The following OTUD7A variants were observed in gnomAD, a reference collection of about 807,000 sequenced individuals.
OTUD7A encodes OTU deubiquitinase 7A, also known as OTU domain-containing protein 7A.
OTUD7A carries 12 observed loss-of-function variants against 65.7 expected under a neutral mutation model. The observed-to-expected ratio is 0.18, with a 90% CI of 0.12 to 0.30. The LOEUF (loss-of-function observed/expected upper bound fraction) is 0.30, where lower values mean the gene tolerates loss of function less well. Among genes scored for constraint, OTUD7A ranks in the 10% least tolerant of loss-of-function variants. The pLI is 1.00. For missense variants in OTUD7A, 1,148 were observed against 1,304.8 expected, an observed-to-expected ratio of 0.88 and a Z score of 1.85; for synonymous variants, 641 against 586.3, an observed-to-expected ratio of 1.09 and a Z score of -1.35.
intron 1 of OTUD7A, among the ~76,000 whole-genome samples, chr15:31,864,539 T>C (rs146028033): frequency 4.5e-4 from 68 of 152,268 alleles, no homozygotes; most frequent in African/African-American, 1.5e-3. Context: ...CTTGTGAGAC[T>C]TATTCACTAT....
At chr15:31,628,660 T>C (rs866468581) in intron 3 of OTUD7A, among the ~76,000 whole-genome samples, 5,665 of 152,220 alleles carry the variant, frequency 0.037, 369 homozygotes, top group African/African-American at 0.13. Flanking sequence ...GGGGATGGCA[T>C]TGAATCTATA....
At chr15:31,661,853 G>GAT in intron 1 of OTUD7A, among the ~76,000 whole-genome samples, 1 of 152,192 alleles carries the variant, frequency 6.6e-6, no homozygotes. Flanking sequence ...GTAATTGGTT[G>GAT]ATATGTCTTT....
At position 31,869,902 on chromosome 15, in the gene OTUD7A, T is replaced by A. The variant is rs566263786; in HGVS notation, c.-100+605A>T. Among the ~76,000 whole-genome samples, 3 of 152,202 alleles carry A rather than the reference T, an allele frequency of 2.0e-5. No homozygotes were observed. In the South Asian group the frequency reaches 6.2e-4, roughly 32 times the overall value. Reference sequence around the variant, plus strand: ...AATTTTTTCCCCTCCAGTGAGGAGATACTAGGGAAGGCCTCTGGGTTCACA... The same window carrying A: ...AATTTTTTCCCCTCCAGTGAGGAGAAACTAGGGAAGGCCTCTGGGTTCACA... On this transcript the variant is annotated intron_variant, in intron 1 of 12. Transcript: ENST00000307050.
chr15:31,824,826 CT>C (rs1896761968), intron 1 of OTUD7A, among the ~76,000 whole-genome samples: 1 of 152,172 alleles, frequency 6.6e-6, no homozygotes, highest in Non-Finnish European at 1.5e-5. Flanking sequence ...AAGCTCTGTA[CT>C]TTTATTCACT....
chr15:31,758,810 G>A (rs1002223416), intron 1 of OTUD7A, among the ~76,000 whole-genome samples: 4 of 151,906 alleles, frequency 2.6e-5, no homozygotes, highest in African/African-American at 7.3e-5. Flanking sequence ...TCCACTCAAC[G>A]CTGCACCCCA....
At position 31,483,433 on chromosome 15, in the gene OTUD7A, C is replaced by T. The variant is rs1437241287; in HGVS notation, c.2663G>A (p.Gly888Asp). 2.2e-6 allele frequency: 3 copies of T among 1,373,924 alleles called. No homozygotes were observed. Among genetic ancestry groups the T allele is most frequent in the Admixed American group, 3.3e-5 (1 of 30,514 alleles). The allele number at this position is 1,373,924 out of a possible 1,614,324, so 85.1% of individuals were successfully genotyped here. ...TARSNGECGR[G>D]GPGPVQRRCQ... ...GCGCCGCTGCACCGGCCCCGGGCCG[C>T]CACGGCCGCACTCACCGTTCGAGCG... Residue 888 changes from glycine (G) to aspartate (D), a missense_variant, in exon 13 of 13, where the codon GGC (glycine) becomes GAC (aspartate). Coordinates refer to ENST00000307050, the MANE Select transcript of OTUD7A (RefSeq NM_001382637.1).
intron 3 of OTUD7A, among the ~76,000 whole-genome samples, chr15:31,629,326 C>T (rs1280376963): frequency 6.6e-6 from 1 of 152,122 alleles, no homozygotes; most frequent in Non-Finnish European, 1.5e-5. Context: ...TTGTCAAAGG[C>T]CTTTTCTGCA....
At chr15:31,630,988 C>G (rs1221343740) in intron 3 of OTUD7A, among the ~76,000 whole-genome samples, 1 of 152,278 alleles carries the variant, frequency 6.6e-6, no homozygotes, top group South Asian at 2.1e-4. Flanking sequence ...TGTCTCTGCA[C>G]ATGAGATGGG....
chr15:31,632,651 G>T (rs947524043), intron 3 of OTUD7A, among the ~76,000 whole-genome samples: 48 of 152,236 alleles, frequency 3.2e-4, no homozygotes, highest in Non-Finnish European at 4.0e-4. Flanking sequence ...CTTCAAAGCT[G>T]TCAGACAGGG....
At chr15:31,646,307 C>T (rs1463866917) in intron 3 of OTUD7A, among the ~76,000 whole-genome samples, 2 of 151,958 alleles carry the variant, frequency 1.3e-5, no homozygotes, top group Admixed American at 6.6e-5. Flanking sequence ...GTGGGGGGCA[C>T]GGGGGAATGG....
chr15:31,680,425 C>T (rs1167392307), intron 1 of OTUD7A, among the ~76,000 whole-genome samples: 1 of 152,154 alleles, frequency 6.6e-6, no homozygotes, highest in Non-Finnish European at 1.5e-5. Flanking sequence ...CCTATTATAT[C>T]AGTACCTGGA....
intron 1 of OTUD7A, among the ~76,000 whole-genome samples, chr15:31,830,370 G>T (rs1415789518): frequency 6.6e-6 from 1 of 152,200 alleles, no homozygotes; most frequent in Non-Finnish European, 1.5e-5. Flanking sequence ...GAAAGGTCAA[G>T]ACAGCATTTC....
rs189946033 is a variant in OTUD7A at position 31,563,987 on chromosome 15, A to G, written c.332-4800T>C. Among the ~76,000 whole-genome samples, 448 of 152,344 alleles carry G rather than the reference A, an allele frequency of 2.9e-3. 5 individuals carry two copies. Among genetic ancestry groups the G allele is most frequent in the African/African-American group, 0.01 (422 of 41,572 alleles). ...AGGGAAACTGTTAAAGAAAGGCAACAAAGTACTGGCCAGGAGGACTAGATT... is the reference window on the plus strand; with the variant it reads ...AGGGAAACTGTTAAAGAAAGGCAACGAAGTACTGGCCAGGAGGACTAGATT... On this transcript the variant is annotated intron_variant, in intron 4 of 12. Coordinates refer to ENST00000307050, the MANE Select transcript of OTUD7A (RefSeq NM_001382637.1).
chr15:31,734,137 A>G (rs189510285), intron 1 of OTUD7A, among the ~76,000 whole-genome samples: 8 of 152,320 alleles, frequency 5.3e-5, no homozygotes, highest in African/African-American at 1.9e-4. Context: ...TAAATCAGGA[A>G]TGTACTCCCA....
Position 31,586,221 on chromosome 15 carries a change from C to T in OTUD7A, c.152-16024G>A, listed in dbSNP as rs148952422. Among the ~76,000 whole-genome samples, 581 of 152,304 alleles carry T rather than the reference C, an allele frequency of 3.8e-3. 3 individuals carry two copies. Among genetic ancestry groups the T allele is most frequent in the African/African-American group, 0.013 (541 of 41,556 alleles). On this transcript the variant is annotated intron_variant, in intron 3 of 12. Coordinates refer to ENST00000307050, the MANE Select transcript of OTUD7A (RefSeq NM_001382637.1). Reference sequence around the variant, plus strand: ...CAGAACATAAAGACTCTGCAGACAGCGCAGATGTGGTGGGTGGGAGGCTTA... The same window carrying T: ...CAGAACATAAAGACTCTGCAGACAGTGCAGATGTGGTGGGTGGGAGGCTTA...
Position 31,487,267 on chromosome 15 carries a change from G to A in OTUD7A, c.1298C>T (p.Ser433Leu), listed in dbSNP as rs1274425855. Residue 433 changes from serine (S) to leucine (L), a missense_variant, in exon 12 of 13, where the codon TCG (serine) becomes TTG (leucine). By Grantham distance (145) the Ser-to-Leu change is moderately radical (BLOSUM62 -2). Coordinates refer to ENST00000307050, the MANE Select transcript of OTUD7A (RefSeq NM_001382637.1). The surrounding 1 kb of genome is among the most constrained non-coding windows in gnomAD (Gnocchi z 6.0). Reference sequence around the variant, plus strand: ...CAGAAGGTTCAGCTTGGCTTCTAGCGACAGGATAAGGCTGGCAAGAGAAGA... The same window carrying A: ...CAGAAGGTTCAGCTTGGCTTCTAGCAACAGGATAAGGCTGGCAAGAGAAGA... ...DNARLAHLIL[S>L]LEAKLNLLHS... 1 of 1,614,066 alleles carries A rather than the reference G, an allele frequency of 6.2e-7. No individual in the cohort carries two copies. The highest frequency in any genetic ancestry group is 8.5e-7 in the Non-Finnish European group (1 of 1,179,980).
At chr15:31,710,630 C>T (rs1309206202) in intron 1 of OTUD7A, among the ~76,000 whole-genome samples, 12 of 152,186 alleles carry the variant, frequency 7.9e-5, no homozygotes, top group African/African-American at 4.8e-5. Context: ...CTTCTGCTGC[C>T]GGGTGGAATG....
At chr15:31,739,773 T>C (rs185444253) in intron 1 of OTUD7A, among the ~76,000 whole-genome samples, 370 of 152,284 alleles carry the variant, frequency 2.4e-3, no homozygotes, top group African/African-American at 8.4e-3. Flanking sequence ...GTTTTTGCCA[T>C]GTTGGACAGG....
At chr15:31,858,978 G>A (rs1234623153) in intron 1 of OTUD7A, among the ~76,000 whole-genome samples, 1 of 152,216 alleles carries the variant, frequency 6.6e-6, no homozygotes, top group African/African-American at 2.4e-5. Context: ...ACTGTAGAAT[G>A]GGAACAACTT....
Sources: gnomAD v4.1 joint callset for allele counts (sites outside exome capture counted in the v4.1 genomes callset) on GRCh38, gnomAD v4.1.1 for gene constraint, Gnocchi (gnomAD v3.1) non-coding constraint, MANE v1.5 for transcripts, NCBI Gene and HGNC (gene_info 2026-07-23, HGNC 2026-07-21) for gene names.